SV2C: variants seen among roughly 807,000 people sequenced by gnomAD.
SV2C encodes solute carrier family 22 member B3.
Under a neutral mutation model 79.7 loss-of-function variants are expected in SV2C, and 49 were observed. The ratio of observed to expected loss-of-function variants is 0.61; its 90% CI spans 0.49 to 0.78. The LOEUF (loss-of-function observed/expected upper bound fraction) is 0.78. Among genes scored for constraint, SV2C ranks in the 30% least tolerant of loss-of-function variants. SV2C has a pLI of 0.00. For missense variants in SV2C, 833 were observed against 912.9 expected (o/e 0.91, Z 1.13); for synonymous variants, 334 against 333.2 (o/e 1.00, Z -0.03).
intron 2 of SV2C, among the ~76,000 whole-genome samples, chr5:76,182,249 G>A (rs139320119): frequency 1.4e-4 from 22 of 151,736 alleles, no homozygotes; most frequent in African/African-American, 5.3e-4. Context: ...CATCTTCCTC[G>A]CTTGTTTAAG....
At chr5:76,225,775 A>G (rs10059683) in intron 4 of SV2C, among the ~76,000 whole-genome samples, 75,083 of 152,022 alleles carry the variant, frequency 0.49, 19,093 homozygotes, top group Admixed American at 0.58. Flanking sequence ...AAAGTATCCA[A>G]CAAAGAAGTG....
At chr5:76,132,383 C>G in intron 2 of SV2C, 53 bp downstream of exon 2, 1 of 1,496,724 alleles carries the variant, frequency 6.7e-7, no homozygotes, top group Non-Finnish European at 9.1e-7. Flanking sequence ...ATTTGTTAAG[C>G]ACAGTTATCA....
At chr5:75,893,770 C>A in the SV2C span, among the ~76,000 whole-genome samples, 1 of 151,702 alleles carries the variant, frequency 6.6e-6, no homozygotes, top group Non-Finnish European at 1.5e-5. Flanking sequence ...TAGAAAAAAA[C>A]CATTGAGTTT....
the SV2C span, among the ~76,000 whole-genome samples, chr5:75,985,899 C>A: frequency 1.3e-5 from 2 of 151,402 alleles, no homozygotes; most frequent in Non-Finnish European, 2.9e-5. Context: ...TTTGGAAACA[C>A]CTTTTCAATC....
chr5:76,309,450 A>G (rs1430003837), intron 12 of SV2C, among the ~76,000 whole-genome samples: 1 of 152,014 alleles, frequency 6.6e-6, no homozygotes, highest in African/African-American at 2.4e-5. Context: ...AATACAAAAA[A>G]TTAGCCAGGC....
At chr5:76,033,120 T>G in the SV2C span, among the ~76,000 whole-genome samples, 1,146 of 152,246 alleles carry the variant, frequency 7.5e-3, 12 homozygotes, top group African/African-American at 0.026. Flanking sequence ...TAAATTTGTT[T>G]GAGTTCATTG....
chr5:76,350,148 T>C (rs1315511468), intron 12 of SV2C, among the ~76,000 whole-genome samples: 1 of 152,216 alleles, frequency 6.6e-6, no homozygotes, highest in Non-Finnish European at 1.5e-5. Context: ...AATCTGCATG[T>C]CTTAAGTGAC....
chr5:76,034,390 A>G, the SV2C span, among the ~76,000 whole-genome samples: 4 of 152,310 alleles, frequency 2.6e-5, no homozygotes, highest in East Asian at 1.9e-4. Context: ...TGGGTTTGTC[A>G]TAGATAGCTC....
chr5:76,338,720 C>T (rs374180455), downstream of SV2C, among the ~76,000 whole-genome samples: 7 of 150,006 alleles, frequency 4.7e-5, no homozygotes, highest in Non-Finnish European at 8.9e-5. Flanking sequence ...TGCAAAGACA[C>T]GATCTTGGCT....
chr5:75,932,016 G>A, the SV2C span, among the ~76,000 whole-genome samples: 1 of 152,142 alleles, frequency 6.6e-6, no homozygotes, highest in Non-Finnish European at 1.5e-5. Flanking sequence ...GCCATATTGT[G>A]TTGCTCACTT....
the SV2C span, among the ~76,000 whole-genome samples, chr5:75,978,941 C>T: frequency 1.3e-5 from 2 of 151,834 alleles, no homozygotes; most frequent in East Asian, 1.9e-4. Flanking sequence ...GAGGTCATGC[C>T]ACTGCACTCC....
At chr5:76,083,539 C>T (rs1422544782) in intron 1 of SV2C, 27 bp downstream of exon 1, 1 of 152,350 alleles carries the variant, frequency 6.6e-6, no homozygotes, top group Non-Finnish European at 1.5e-5. Context: ...AAGCGGGCAT[C>T]CGCGGGGAGA....
chr5:76,239,259 T>G (rs1745708051), intron 4 of SV2C, among the ~76,000 whole-genome samples: 1 of 152,194 alleles, frequency 6.6e-6, no homozygotes, highest in African/African-American at 2.4e-5. Flanking sequence ...TACATAGTGA[T>G]GTTTGAAATG....
At chr5:75,997,029 G>A in the SV2C span, among the ~76,000 whole-genome samples, 1 of 149,720 alleles carries the variant, frequency 6.7e-6, no homozygotes, top group Non-Finnish European at 1.5e-5. Flanking sequence ...ATGTTGAATA[G>A]GAGTGGTGAG....
chr5:76,267,583 G>C (rs956806847), intron 4 of SV2C, among the ~76,000 whole-genome samples: 3 of 152,220 alleles, frequency 2.0e-5, no homozygotes, highest in Admixed American at 6.5e-5. Context: ...GGATTTAGCA[G>C]AGTATATATT....
At chr5:75,930,069 C>A in the SV2C span, among the ~76,000 whole-genome samples, 1 of 152,132 alleles carries the variant, frequency 6.6e-6, no homozygotes, top group Non-Finnish European at 1.5e-5. Context: ...GCCTTCTCTC[C>A]TTTCTGCTTT....
intron 3 of SV2C, among the ~76,000 whole-genome samples, chr5:76,203,722 A>G (rs1428608726): frequency 6.6e-6 from 1 of 152,210 alleles, no homozygotes; most frequent in Non-Finnish European, 1.5e-5. Flanking sequence ...TTAAAGATCA[A>G]TATTTTTTAA....
At chr5:76,054,229 T>G in the SV2C span, among the ~76,000 whole-genome samples, 1 of 152,124 alleles carries the variant, frequency 6.6e-6, no homozygotes, top group East Asian at 1.9e-4. Context: ...CACTTATGAG[T>G]GAGAACATGT....
chr5:76,127,028 C>T lies in SV2C; in HGVS notation c.-101-4622C>T, dbSNP rs1360770437. On this transcript the variant is annotated intron_variant, in intron 1 of 12. Coordinates refer to ENST00000502798, the MANE Select transcript of SV2C (RefSeq NM_014979.4). ...AGCCATTATTATTGCTATCATTACT[C>T]TATCAGGGCACAATGGTTTTAAAGC... 2.6e-5 allele frequency among the ~76,000 whole-genome samples: 4 copies of T among 152,334 alleles called. No homozygotes were observed. The East Asian group carries it at 5.8e-4, about 22-fold the overall frequency.
Sources: gnomAD v4.1 joint callset for allele counts (sites outside exome capture counted in the v4.1 genomes callset) on GRCh38, gnomAD v4.1.1 for gene constraint, MANE v1.5 for transcripts, NCBI Gene and HGNC (gene_info 2026-07-23, HGNC 2026-07-21) for gene names.